The following FN1 variants were observed in gnomAD, a reference collection of about 807,000 sequenced individuals.
FN1 encodes fibronectin.
Under a neutral mutation model 297.3 loss-of-function variants are expected in FN1, and 106 were observed. The observed-to-expected ratio is 0.36, with a 90% confidence interval of 0.30 to 0.42. The LOEUF (loss-of-function observed/expected upper bound fraction) is 0.42. Ranked by LOEUF, FN1 falls within the 10% of genes least tolerant of loss-of-function variation. FN1 has a pLI of 1.00. For synonymous variants in FN1, 1,149 were observed against 1,152.6 expected, an observed-to-expected ratio of 1.00 and a Z score of 0.06; for missense variants, 2,690 against 3,124.9, an observed-to-expected ratio of 0.86 and a Z score of 3.32.
At chr2:215,383,545 G>A (rs2058493664) in intron 30 of FN1, 62 bp from the exon 31 acceptor site, 2 of 1,538,106 alleles carry the variant, frequency 1.3e-6, no homozygotes, top group African/African-American at 1.4e-5. Flanking sequence ...GATTGGACAA[G>A]TCCTCCTCTC....
At chr2:215,401,428 G>T (rs1443433892) in intron 20 of FN1, among the ~76,000 whole-genome samples, 2 of 152,148 alleles carry the variant, frequency 1.3e-5, no homozygotes, top group Non-Finnish European at 2.9e-5. Context: ...TATTATAAAT[G>T]TAGAAAGGTA....
chr2:215,423,313 T>C (rs370447790), intron 9 of FN1, 37 bp downstream of exon 9: 1 of 1,610,008 alleles, frequency 6.2e-7, no homozygotes, highest in Non-Finnish European at 8.5e-7. Flanking sequence ...CCCTAAATTG[T>C]TGTCAAACAA....
chr2:215,435,557 C>T, intron 1 of FN1, 98 bp downstream of exon 1: 1 of 1,538,016 alleles, frequency 6.5e-7, no homozygotes, highest in Non-Finnish European at 8.9e-7. Context: ...CGCACACACT[C>T]GCACACACGC....
chr2:215,405,760 AAAT>A (rs557010844), intron 19 of FN1, among the ~76,000 whole-genome samples: 4 of 151,988 alleles, frequency 2.6e-5, no homozygotes, highest in South Asian at 2.1e-4. Flanking sequence ...TAAATAAATA[AAAT>A]AATAATAATA....
intron 18 of FN1, 50 bp from the exon 19 acceptor site, chr2:215,406,560 T>C (rs748925559): frequency 6.3e-7 from 1 of 1,592,106 alleles, no homozygotes; most frequent in African/African-American, 1.3e-5. Context: ...TGAAGATTAC[T>C]TTTAAGAAGC....
chr2:215,372,607 C>G, intron 39 of FN1: 1 of 569,494 alleles, frequency 1.8e-6, no homozygotes, highest in Non-Finnish European at 3.1e-6. Context: ...ATGAATTTAT[C>G]ATACACACAG....
chr2:215,388,191 C>T, intron 27 of FN1, 21 bp downstream of exon 27: 1 of 1,568,468 alleles, frequency 6.4e-7, no homozygotes, highest in South Asian at 1.1e-5. Flanking sequence ...ACTGGATAGT[C>T]ATACTGCCAA....
At position 215,408,279 on chromosome 2, in the gene FN1, C is replaced by T; in HGVS notation, c.2428+19G>A. On this transcript the variant is annotated intron_variant, in intron 16 of 45. Coordinates refer to ENST00000354785, the MANE Select transcript of FN1 (RefSeq NM_212482.4). The stretch of plus-strand genomic sequence containing the variant: ...TTTACAGAAAAAGATTCTTTTAACA[C>T]TATGTAGCACACATGTACCTGTTGT... 1 of 1,614,142 alleles carries T rather than the reference C, an allele frequency of 6.2e-7. No individual in the cohort carries two copies. Among genetic ancestry groups the T allele is most frequent in the South Asian group, 1.1e-5 (1 of 91,080 alleles).
intron 1 of FN1, 130 bp downstream of exon 1, chr2:215,435,525 G>A: frequency 1.5e-6 from 2 of 1,353,140 alleles, no homozygotes; most frequent in South Asian, 1.3e-5. Flanking sequence ...TGTGTGCACA[G>A]CTGGTTTCTC....
In FN1 at chr2:215,391,679, A is replaced by C; in HGVS notation, c.4205T>G (p.Val1402Gly). Residue 1402 changes from valine (V) to glycine (G), a missense_variant, in exon 26 of 46, where the codon GTT (valine) becomes GGT (glycine). This residue lies in a region of FN1 where 1,743 missense variants were observed against 1,945.2 expected (regional missense o/e 0.90). Coordinates refer to ENST00000354785, the MANE Select transcript of FN1 (RefSeq NM_212482.4). ...RYSPVKNEEDVAELSISPSDN... is the reference protein window; with the variant it reads ...RYSPVKNEEDGAELSISPSDN... Reference sequence around the variant, plus strand: ...TGAAGGAGAAATTGACAACTCTGCAACATCTTCCTCATTTTTCACAGGTGA... The same window carrying C: ...TGAAGGAGAAATTGACAACTCTGCACCATCTTCCTCATTTTTCACAGGTGA... The C allele has an allele frequency of 6.2e-7, 1 of 1,614,166 alleles. No individual in the cohort carries two copies. The highest frequency in any genetic ancestry group is 8.5e-7 in the Non-Finnish European group (1 of 1,179,998).
chr2:215,376,795 T>A, intron 35 of FN1, 121 bp from the exon 36 acceptor site: 1 of 811,102 alleles, frequency 1.2e-6, no homozygotes, highest in Non-Finnish European at 2.0e-6. Flanking sequence ...ATATAACTAG[T>A]AATGTGTAGA....
rs1189574802 is a variant in FN1 at position 215,404,559 on chromosome 2, C to A, written c.3083G>T (p.Arg1028Leu). The A allele has an allele frequency of 6.2e-7, 1 of 1,614,062 alleles. No homozygotes were observed. Among genetic ancestry groups the A allele is most frequent in the Admixed American group, 1.7e-5 (1 of 60,010 alleles). Residue 1028 changes from arginine (R) to leucine (L), a missense_variant, in exon 20 of 46, where the codon CGA becomes CTA. Transcript: ENST00000354785. The stretch of plus-strand genomic sequence containing the variant: ...TCTTCGGGTAAGGCCCACGGTCAGT[C>A]GGTATCCTGTTATCTGGGCCCGAGG... ...TPPRAQITGY[R>L]LTVGLTRRGQ...
chr2:215,428,218 T>A lies in FN1; in HGVS notation c.806A>T (p.Lys269Met). 1 of 1,614,246 alleles carries A rather than the reference T, an allele frequency of 6.2e-7. No individual in the cohort carries two copies. Among genetic ancestry groups the A allele is most frequent in the Middle Eastern group, 1.7e-4 (1 of 6,048 alleles). Residue 269 changes from lysine (K) to methionine (M), a missense_variant, in exon 6 of 46, where the codon AAG becomes ATG. By Grantham distance (95) the Lys-to-Met change is moderately conservative. This residue lies in a region of FN1 where 876 missense variants were observed against 1,058.1 expected (regional missense o/e 0.83). Coordinates refer to ENST00000354785, the MANE Select transcript of FN1 (RefSeq NM_212482.4). ...ICTGNGRGEW[K>M]CERHTSVQTT... ...CTGCACAGAGGTGTGCCTCTCACAC[T>A]TCCACTCTCCTCGGCCGTTGCCTGT...
intron 41 of FN1, among the ~76,000 whole-genome samples, chr2:215,368,760 A>G (rs1270527032): frequency 2.0e-5 from 3 of 152,192 alleles, no homozygotes; most frequent in Admixed American, 6.5e-5. Flanking sequence ...ATGCCCTTGG[A>G]ATATAGATGA....
intron 13 of FN1, chr2:215,414,594 A>C: frequency 2.3e-6 from 2 of 888,532 alleles, no homozygotes; most frequent in Non-Finnish European, 3.1e-6. Flanking sequence ...ATAAAGAGCT[A>C]AATTCTTCCA....
At chr2:215,430,645 T>C (rs2106513927) in intron 5 of FN1, 70 bp downstream of exon 5, 1 of 1,557,950 alleles carries the variant, frequency 6.4e-7, no homozygotes, top group Non-Finnish European at 8.8e-7. Flanking sequence ...TAACATAGTA[T>C]TACCCTTCTC....
Position 215,382,335 on chromosome 2 carries a change from G to A in FN1, c.5051-10C>T, listed in dbSNP as rs1179274690. 1 of 1,571,248 alleles carries A rather than the reference G, an allele frequency of 6.4e-7. No homozygotes were observed. The highest frequency in any genetic ancestry group is 1.7e-5 in the Admixed American group (1 of 59,956). Reference sequence around the variant, plus strand: ...GTCATTTCTGTTTGATCTGCAAAGGGAGTGAAAAGCAAATGCAACATCCAC... The same window carrying A: ...GTCATTTCTGTTTGATCTGCAAAGGAAGTGAAAAGCAAATGCAACATCCAC... On this transcript the variant is annotated splice_polypyrimidine_tract_variant and intron_variant, in intron 31 of 45. Coordinates refer to ENST00000354785, the MANE Select transcript of FN1 (RefSeq NM_212482.4).
chr2:215,432,636 T>A (rs1559613381), intron 3 of FN1, among the ~76,000 whole-genome samples: 2 of 152,214 alleles, frequency 1.3e-5, no homozygotes, highest in African/African-American at 4.8e-5. Context: ...ACGACTTATA[T>A]TTAAAGAATG....
intron 8 of FN1, among the ~76,000 whole-genome samples, chr2:215,423,882 A>G (rs1229040359): frequency 1.3e-5 from 2 of 152,194 alleles, no homozygotes; most frequent in African/African-American, 2.4e-5. Context: ...CCAAAATACA[A>G]GTATCTTTAA....
Sources: gnomAD v4.1 joint callset for allele counts (sites outside exome capture counted in the v4.1 genomes callset) on GRCh38, gnomAD v4.1.1 for gene constraint, gnomAD v4.1.1 regional missense constraint, MANE v1.5 for transcripts, NCBI Gene and HGNC (gene_info 2026-07-23, HGNC 2026-07-21) for gene names.